Variants in ATE1 observed in about 807,000 individuals in gnomAD.
The protein encoded by ATE1 is arginyltransferase 1.
ATE1 carries 36 observed loss-of-function variants against 70.5 expected under a neutral mutation model. That is an observed-to-expected ratio of 0.51 (90% CI 0.39 to 0.67). ATE1 has a LOEUF of 0.67. Among genes scored for constraint, ATE1 ranks in the 30% least tolerant of loss-of-function variants. The pLI is 0.00. For synonymous variants in ATE1, 232 were observed against 219.3 expected (o/e 1.06, Z -0.51); for missense variants, 593 against 629.5 (o/e 0.94, Z 0.62).
At chr10:121,925,801 A>C (rs1243074149) in intron 1 of ATE1, among the ~76,000 whole-genome samples, 1 of 151,244 alleles carries the variant, frequency 6.6e-6, no homozygotes, top group Non-Finnish European at 1.5e-5. Flanking sequence ...AGGAGGCTTG[A>C]GACCAGGAAT....
chr10:121,847,416 C>A (rs1168257529), intron 8 of ATE1, among the ~76,000 whole-genome samples: 1 of 151,790 alleles, frequency 6.6e-6, no homozygotes, highest in African/African-American at 2.4e-5. Context: ...CCACTGCACT[C>A]CAGCCTGGGT....
intron 3 of ATE1, among the ~76,000 whole-genome samples, chr10:121,917,580 A>C (rs538673605): frequency 1.3e-5 from 2 of 152,304 alleles, no homozygotes; most frequent in South Asian, 4.1e-4. Flanking sequence ...GGGATAAGAG[A>C]AAACTAAATC....
Position 121,783,658 on chromosome 10 carries a change from G to A in ATE1, c.1378+6511C>T, listed in dbSNP as rs555786908. Among the ~76,000 whole-genome samples, 6 of 151,350 alleles carry A rather than the reference G, an allele frequency of 4.0e-5. No homozygotes were observed. In the East Asian group the frequency reaches 1.2e-3, roughly 29 times the overall value. On this transcript the variant is annotated intron_variant, in intron 11 of 11. Transcript: ENST00000224652. ...TGGGCTTTATTTTTATTTTTTAATTGGCATTTTGGACAACTCCCTTAAAAT... is the reference window on the plus strand; with the variant it reads ...TGGGCTTTATTTTTATTTTTTAATTAGCATTTTGGACAACTCCCTTAAAAT...
chr10:121,892,601 G>A (rs1289303291), intron 7 of ATE1, among the ~76,000 whole-genome samples: 1 of 151,492 alleles, frequency 6.6e-6, no homozygotes, highest in Non-Finnish European at 1.5e-5. Flanking sequence ...CTGCCTTCCA[G>A]GTTGGAGTAA....
chr10:121,755,877 T>C (rs1311704621), intron 11 of ATE1, among the ~76,000 whole-genome samples: 1 of 152,080 alleles, frequency 6.6e-6, no homozygotes, highest in African/African-American at 2.4e-5. Flanking sequence ...AGCCAAACCA[T>C]ATCATTCCGC....
chr10:121,905,510 T>A (rs1252675390), intron 5 of ATE1, among the ~76,000 whole-genome samples: 1 of 152,196 alleles, frequency 6.6e-6, no homozygotes, highest in Non-Finnish European at 1.5e-5. Flanking sequence ...ATGATTGTTT[T>A]GCTCTACATT....
At chr10:121,879,631 A>C (rs1488344950) in intron 7 of ATE1, among the ~76,000 whole-genome samples, 1 of 152,220 alleles carries the variant, frequency 6.6e-6, no homozygotes, top group Non-Finnish European at 1.5e-5. Context: ...GGAGTAATTC[A>C]TCAATGAGTA....
chr10:121,917,361 T>C (rs1951702728), intron 3 of ATE1, among the ~76,000 whole-genome samples: 1 of 152,176 alleles, frequency 6.6e-6, no homozygotes, highest in African/African-American at 2.4e-5. Flanking sequence ...GTCATAGTTA[T>C]ATACACTATG....
At chr10:121,877,223 T>C (rs893670808) in intron 7 of ATE1, among the ~76,000 whole-genome samples, 2 of 152,070 alleles carry the variant, frequency 1.3e-5, no homozygotes, top group Admixed American at 6.6e-5. Flanking sequence ...ATTAAATAAA[T>C]ACCAGCACAA....
Position 121,911,124 on chromosome 10 carries a change from T to A in ATE1, c.365A>T (p.Asp122Val). ...EDEPMDSTMD[D>V]AVAGDFALIN... Reference sequence around the variant, plus strand: ...CAATGCAAAGTCACCCGCAACAGCATCATCCATTGTGGAATCCATGGGCTC... The same window carrying A: ...CAATGCAAAGTCACCCGCAACAGCAACATCCATTGTGGAATCCATGGGCTC... Residue 122 changes from aspartate to valine, a missense_variant, in exon 5 of 12, where the codon GAT (aspartate) becomes GTT (valine). Transcript: ENST00000224652. 1.2e-6 allele frequency: 2 copies of A among 1,608,884 alleles called. No homozygotes were observed. The highest frequency in any genetic ancestry group is 1.7e-6 in the Non-Finnish European group (2 of 1,179,072).
At chr10:121,919,799 A>G (rs1198068842) in intron 3 of ATE1, among the ~76,000 whole-genome samples, 2 of 151,336 alleles carry the variant, frequency 1.3e-5, no homozygotes, top group Non-Finnish European at 2.9e-5. Flanking sequence ...TCAGGTGGCT[A>G]AGGCAAGAGC....
At chr10:121,925,478 A>G (rs1442051486) in intron 1 of ATE1, among the ~76,000 whole-genome samples, 1 of 152,130 alleles carries the variant, frequency 6.6e-6, no homozygotes, top group Non-Finnish European at 1.5e-5. Context: ...ATGCCAAGGA[A>G]CAGGAAGATG....
intron 11 of ATE1, among the ~76,000 whole-genome samples, chr10:121,765,307 GAA>G (rs1426196404): frequency 8.1e-6 from 1 of 123,990 alleles, no homozygotes; most frequent in Non-Finnish European, 1.8e-5. Flanking sequence ...GGAGGCAGAA[GAA>G]AAAAAGCTCT....
chr10:121,870,681 T>C (rs1056418361), intron 7 of ATE1, among the ~76,000 whole-genome samples: 43 of 152,142 alleles, frequency 2.8e-4, no homozygotes, highest in Non-Finnish European at 4.4e-5. Context: ...ATGACACACA[T>C]AGAGGAATAT....
At chr10:121,811,869 A>C (rs897419349) in intron 10 of ATE1, among the ~76,000 whole-genome samples, 2 of 152,118 alleles carry the variant, frequency 1.3e-5, no homozygotes, top group African/African-American at 4.8e-5. Context: ...GGGCAATGTA[A>C]CTACGTGGTG....
chr10:121,793,133 A>G (rs1281483184), intron 10 of ATE1, among the ~76,000 whole-genome samples: 3 of 152,226 alleles, frequency 2.0e-5, no homozygotes, highest in Non-Finnish European at 4.4e-5. Flanking sequence ...CACCAAAGAT[A>G]TATGAATGCC....
At position 121,879,118 on chromosome 10, in the gene ATE1, AT is replaced by A. The variant is rs534000747; in HGVS notation, c.943-9081del. On this transcript the variant is annotated intron_variant, in intron 7 of 11. Coordinates refer to ENST00000224652, the MANE Select transcript of ATE1 (RefSeq NM_001001976.3). ...CAAATGGCAAAAAGTATAGGTGGGG[AT>A]TTTTTTAAAAAAACTTTCACAAGCA... Among the ~76,000 whole-genome samples, 3 of 152,220 alleles carry A rather than the reference AT, an allele frequency of 2.0e-5. No homozygotes were observed. The East Asian group carries it at 5.8e-4, about 29-fold the overall frequency.
chr10:121,878,909 A>C (rs989440702), intron 7 of ATE1, among the ~76,000 whole-genome samples: 1 of 152,300 alleles, frequency 6.6e-6, no homozygotes, highest in East Asian at 1.9e-4. Flanking sequence ...CATTATACCA[A>C]GGACTTAACA....
intron 11 of ATE1, among the ~76,000 whole-genome samples, chr10:121,754,843 G>A (rs556731548): frequency 6.6e-5 from 10 of 152,294 alleles, no homozygotes; most frequent in African/African-American, 2.4e-4. Context: ...TCAAGTCACA[G>A]TACAGAGATG....
Sources: allele counts gnomAD v4.1 joint callset (sites outside exome capture counted in the v4.1 genomes callset), GRCh38; gene constraint gnomAD v4.1.1; transcripts MANE v1.5; gene names NCBI Gene and HGNC (gene_info 2026-07-23, HGNC 2026-07-21).